The following GLIS3 variants were observed in gnomAD, a reference collection of about 807,000 sequenced individuals.
GLIS3 encodes the protein GLIS family zinc finger 3.
Under a neutral mutation model 78.6 loss-of-function variants are expected in GLIS3, and 53 were observed. The ratio of observed to expected loss-of-function variants is 0.67; its 90% CI spans 0.54 to 0.85. GLIS3 has a LOEUF of 0.85. Among genes scored for constraint, GLIS3 ranks in the 40% least tolerant of loss-of-function variants. The probability of loss-of-function intolerance (pLI) is 0.00; values close to 1 mark genes in which losing one functional copy is unlikely to be tolerated. For missense variants in GLIS3, 1,703 were observed against 1,231.1 expected, an observed-to-expected ratio of 1.38 and a Z score of -5.74; for synonymous variants, 684 against 509.9, an observed-to-expected ratio of 1.34 and a Z score of -4.60.
intron 4 of GLIS3, among the ~76,000 whole-genome samples, chr9:4,051,210 G>A (rs910032421): frequency 6.6e-6 from 1 of 152,196 alleles, no homozygotes; most frequent in Non-Finnish European, 1.5e-5. Context: ...GTGTGTTTAT[G>A]AGGAAATTCA....
the GLIS3 span, among the ~76,000 whole-genome samples, chr9:4,391,618 G>A: frequency 6.6e-6 from 1 of 151,678 alleles, no homozygotes; most frequent in African/African-American, 2.4e-5. Context: ...TATTCTACCA[G>A]ATATGTAAAT....
At chr9:4,012,427 G>C (rs1822091053) in intron 4 of GLIS3, among the ~76,000 whole-genome samples, 1 of 151,798 alleles carries the variant, frequency 6.6e-6, no homozygotes, top group African/African-American at 2.4e-5. Flanking sequence ...ACCTGTATCA[G>C]GGGAAAAAAA....
At chr9:3,959,883 G>T (rs1277727017) in intron 4 of GLIS3, among the ~76,000 whole-genome samples, 2 of 152,218 alleles carry the variant, frequency 1.3e-5, no homozygotes, top group Non-Finnish European at 2.9e-5. Context: ...CGGGAGCCTT[G>T]GCTCAAGCCT....
chr9:4,306,314 G>C (rs1033768052), intron 4 of GLIS3, among the ~76,000 whole-genome samples: 1 of 152,060 alleles, frequency 6.6e-6, no homozygotes, highest in African/African-American at 2.4e-5. Context: ...TAAAGTTATG[G>C]CTCATTCTCT....
At chr9:3,888,716 T>C (rs1822237446) in intron 7 of GLIS3, among the ~76,000 whole-genome samples, 1 of 152,176 alleles carries the variant, frequency 6.6e-6, no homozygotes, top group African/African-American at 2.4e-5. Context: ...CAATCTTCCA[T>C]TTGGCCATCA....
At chr9:3,955,352 T>A (rs1413645957) in intron 4 of GLIS3, among the ~76,000 whole-genome samples, 2 of 152,186 alleles carry the variant, frequency 1.3e-5, no homozygotes, top group African/African-American at 4.8e-5. Flanking sequence ...CTTCAGATCT[T>A]TTCTATCTGT....
chr9:4,146,008 T>G (rs1484436708), intron 2 of GLIS3, among the ~76,000 whole-genome samples: 2 of 152,244 alleles, frequency 1.3e-5, no homozygotes, highest in East Asian at 3.8e-4. Flanking sequence ...CATTCATAAC[T>G]AATTTGGCAA....
chr9:4,125,610 T>C, intron 3 of GLIS3, 124 bp downstream of exon 3: 2 of 768,012 alleles, frequency 2.6e-6, no homozygotes, highest in South Asian at 1.4e-5. Flanking sequence ...ATTGAGAGAG[T>C]TGCTTGAGTG....
upstream of GLIS3, among the ~76,000 whole-genome samples, chr9:4,303,264 C>T (rs4097544): frequency 0.83 from 116,415 of 140,110 alleles, 47,567 homozygotes; most frequent in East Asian, 0.94. Context: ...GCTATTAAAA[C>T]ACAGACACAC....
chr9:3,998,877 C>T (rs577778958), intron 4 of GLIS3, among the ~76,000 whole-genome samples: 116 of 151,620 alleles, frequency 7.7e-4, no homozygotes, highest in African/African-American at 2.7e-3. Flanking sequence ...ACTTTCAATA[C>T]AATTACCACT....
chr9:4,009,624 T>C (rs571128666), intron 4 of GLIS3, among the ~76,000 whole-genome samples: 76 of 152,294 alleles, frequency 5.0e-4, no homozygotes, highest in African/African-American at 1.8e-3. Context: ...CCCAAGACTC[T>C]GTGTTACGTT....
At chr9:3,846,298 T>C (rs1819035598) in intron 9 of GLIS3, among the ~76,000 whole-genome samples, 1 of 152,188 alleles carries the variant, frequency 6.6e-6, no homozygotes, top group African/African-American at 2.4e-5. Context: ...TTGTGGGCTT[T>C]GGGGTCAGAC....
chr9:4,319,509 T>C lies in GLIS3; in HGVS notation n.265-8981A>G, dbSNP rs533387815. ...GTTTTAAAATTTATTGTGTAATGTG[T>C]TTTGGTAAAATCCAAATACTAACAC... On this transcript the variant is annotated intron_variant and non_coding_transcript_variant, in intron 2 of 4. Coordinates refer to the GLIS3 transcript ENST00000471664. Among the ~76,000 whole-genome samples, 4 of 151,128 alleles carry C rather than the reference T, an allele frequency of 2.6e-5. No individual in the cohort carries two copies. In the Admixed American group the frequency reaches 2.7e-4, roughly 10 times the overall value.
intron 2 of GLIS3, among the ~76,000 whole-genome samples, chr9:4,284,070 A>G (rs1827781665): frequency 1.3e-5 from 2 of 152,346 alleles, no homozygotes; most frequent in African/African-American, 2.4e-5. Context: ...TTAAGAAAAC[A>G]TGGCTTTAAT....
the GLIS3 span, among the ~76,000 whole-genome samples, chr9:4,397,978 G>A: frequency 2.0e-5 from 3 of 152,014 alleles, no homozygotes; most frequent in Non-Finnish European, 4.4e-5. Context: ...CCTACAGACA[G>A]CCATTCTGTT....
the GLIS3 span, among the ~76,000 whole-genome samples, chr9:4,459,361 T>C: frequency 1.3e-5 from 2 of 152,102 alleles, no homozygotes. Flanking sequence ...GGCTATCCAA[T>C]CTTTAGGGAT....
At chr9:3,986,299 G>A (rs1314114455) in intron 4 of GLIS3, among the ~76,000 whole-genome samples, 1 of 152,148 alleles carries the variant, frequency 6.6e-6, no homozygotes, top group Non-Finnish European at 1.5e-5. Flanking sequence ...TAAAGGCACG[G>A]ATACAACTGT....
chr9:4,199,506 CTT>C (rs1472378015), intron 2 of GLIS3, among the ~76,000 whole-genome samples: 2 of 148,424 alleles, frequency 1.3e-5, no homozygotes, highest in Non-Finnish European at 3.0e-5. Context: ...TATGATATAA[CTT>C]ATATCATATA....
intron 6 of GLIS3, among the ~76,000 whole-genome samples, chr9:3,904,005 G>C (rs961006911): frequency 4.6e-5 from 7 of 152,138 alleles, no homozygotes; most frequent in African/African-American, 1.7e-4. Flanking sequence ...AAGTCTCTTA[G>C]TCTTGGTACA....
Sources: allele counts gnomAD v4.1 joint callset (sites outside exome capture counted in the v4.1 genomes callset), GRCh38; gene constraint gnomAD v4.1.1; transcripts MANE v1.5; gene names NCBI Gene and HGNC (gene_info 2026-07-23, HGNC 2026-07-21).